TNR: variants seen among roughly 807,000 people sequenced by gnomAD.
The protein encoded by TNR is tenascin-R.
In TNR, 45 loss-of-function variants were observed where a neutral mutation model predicts 150.4. That is an observed-to-expected ratio of 0.30 (90% CI 0.24 to 0.38). The LOEUF (loss-of-function observed/expected upper bound fraction) is 0.38, where lower values mean the gene tolerates loss of function less well. Ranked by LOEUF, TNR falls within the 10% of genes least tolerant of loss-of-function variation. The pLI, the probability that TNR is intolerant of heterozygous loss-of-function variation, is 1.00. For synonymous variants in TNR, 687 were observed against 678.4 expected, an observed-to-expected ratio of 1.01 and a Z score of -0.20; for missense variants, 1,544 against 1,759.1, an observed-to-expected ratio of 0.88 and a Z score of 2.19.
intron 1 of TNR, among the ~76,000 whole-genome samples, chr1:175,577,103 G>T (rs1571629063): frequency 6.6e-6 from 1 of 152,136 alleles, no homozygotes; most frequent in African/African-American, 2.4e-5. Context: ...GCAGGGAAAG[G>T]GAGTTCATGC....
At chr1:175,508,867 A>G (rs963168503) in intron 2 of TNR, among the ~76,000 whole-genome samples, 2 of 152,180 alleles carry the variant, frequency 1.3e-5, no homozygotes, top group Non-Finnish European at 2.9e-5. Flanking sequence ...ATAGACAATT[A>G]ATACAATCAT....
chr1:175,733,294 C>G (rs971787980), intron 1 of TNR, among the ~76,000 whole-genome samples: 1 of 152,160 alleles, frequency 6.6e-6, no homozygotes, highest in East Asian at 1.9e-4. Context: ...GCCCACAGGA[C>G]CCCCCTCCCA....
chr1:175,431,913 C>A (rs912278282), intron 2 of TNR, among the ~76,000 whole-genome samples: 6 of 149,656 alleles, frequency 4.0e-5, no homozygotes, highest in East Asian at 3.9e-4. Context: ...ACCATAATAT[C>A]TCTCTCTCTC....
intron 2 of TNR, among the ~76,000 whole-genome samples, chr1:175,487,466 T>C (rs1255433340): frequency 6.6e-6 from 1 of 152,224 alleles, no homozygotes; most frequent in Admixed American, 6.5e-5. Context: ...GGACACTGCT[T>C]GCCTTCTTCC....
At chr1:175,511,435 G>A (rs1389063397) in intron 2 of TNR, among the ~76,000 whole-genome samples, 5 of 152,198 alleles carry the variant, frequency 3.3e-5, no homozygotes, top group Non-Finnish European at 5.9e-5. Flanking sequence ...CATGAGCCCT[G>A]TAATATTTGA....
intron 18 of TNR, among the ~76,000 whole-genome samples, chr1:175,344,726 A>C (rs543226301): frequency 3.8e-4 from 58 of 152,342 alleles, no homozygotes; most frequent in African/African-American, 1.3e-3. Context: ...AATCTCTAGA[A>C]AAAGAATTTC....
intron 2 of TNR, among the ~76,000 whole-genome samples, chr1:175,484,814 G>A (rs184333390): frequency 2.0e-4 from 30 of 152,310 alleles, no homozygotes; most frequent in African/African-American, 7.0e-4. Context: ...GATGGAAGAA[G>A]GAACACCACT....
At chr1:175,505,436 C>G (rs1368298773) in intron 2 of TNR, among the ~76,000 whole-genome samples, 1 of 152,226 alleles carries the variant, frequency 6.6e-6, no homozygotes, top group South Asian at 2.1e-4. Context: ...CTCCGTTCCC[C>G]GGGGACGCAG....
intron 2 of TNR, among the ~76,000 whole-genome samples, chr1:175,489,319 G>T (rs1027506960): frequency 1.3e-5 from 2 of 152,298 alleles, no homozygotes; most frequent in East Asian, 3.9e-4. Flanking sequence ...GCCATCTCAT[G>T]CAAGAAAGAC....
chr1:175,436,453 G>T (rs921625546), intron 2 of TNR, among the ~76,000 whole-genome samples: 6 of 151,960 alleles, frequency 3.9e-5, no homozygotes, highest in African/African-American at 9.7e-5. Flanking sequence ...TTGTGCATTT[G>T]TCATGTAGTT....
intron 2 of TNR, among the ~76,000 whole-genome samples, chr1:175,520,159 G>A (rs1229978573): frequency 2.6e-5 from 4 of 152,152 alleles, no homozygotes; most frequent in Non-Finnish European, 4.4e-5. Flanking sequence ...CTCCTCTCAG[G>A]ACTCTATTTT....
At chr1:175,355,701 A>G in intron 16 of TNR, 68 bp from the exon 17 acceptor site, 2 of 1,599,686 alleles carry the variant, frequency 1.3e-6, no homozygotes, top group South Asian at 1.1e-5. Flanking sequence ...GATTTCAGGT[A>G]TGGGTATCTG....
chr1:175,604,335 T>C (rs1415992843), intron 1 of TNR, among the ~76,000 whole-genome samples: 2 of 152,076 alleles, frequency 1.3e-5, no homozygotes, highest in Non-Finnish European at 2.9e-5. Context: ...GTAGCTCCCT[T>C]CTCTCCCCGA....
chr1:175,471,438 T>C (rs544908117), intron 2 of TNR, among the ~76,000 whole-genome samples: 1 of 152,350 alleles, frequency 6.6e-6, no homozygotes, highest in South Asian at 2.1e-4. Context: ...CCTAGGTATA[T>C]GGTGTATGTA....
intron 1 of TNR, among the ~76,000 whole-genome samples, chr1:175,648,546 C>T (rs1664867720): frequency 6.6e-6 from 1 of 152,130 alleles, no homozygotes; most frequent in African/African-American, 2.4e-5. Flanking sequence ...TTGTCTATCT[C>T]TGAGAAGGGA....
chr1:175,601,729 C>A (rs1663244483), intron 1 of TNR, among the ~76,000 whole-genome samples: 1 of 152,192 alleles, frequency 6.6e-6, no homozygotes, highest in Non-Finnish European at 1.5e-5. Flanking sequence ...CCTCTCCACT[C>A]ACTTATGATC....
chr1:175,373,899 C>T (rs961563460), intron 9 of TNR, among the ~76,000 whole-genome samples: 3 of 152,176 alleles, frequency 2.0e-5, no homozygotes, highest in African/African-American at 7.2e-5. Context: ...TCCTCCTCTT[C>T]AACTTGGGTC....
At chr1:175,563,534 C>T (rs963771402) in intron 1 of TNR, among the ~76,000 whole-genome samples, 2 of 152,200 alleles carry the variant, frequency 1.3e-5, no homozygotes. Context: ...TCTCCCTTTG[C>T]TTAGCCTCCT....
chr1:175,382,193 G>C (rs1652714197), intron 8 of TNR, among the ~76,000 whole-genome samples: 1 of 152,218 alleles, frequency 6.6e-6, no homozygotes, highest in African/African-American at 2.4e-5. Context: ...TGTAATTAAT[G>C]TGAACCAGGA....
Sources: gnomAD v4.1 joint callset for allele counts (sites outside exome capture counted in the v4.1 genomes callset) on GRCh38, gnomAD v4.1.1 for gene constraint, MANE v1.5 for transcripts, NCBI Gene and HGNC (gene_info 2026-07-23, HGNC 2026-07-21) for gene names.